Variants in PDZD2 observed in about 807,000 individuals in gnomAD.
PDZD2 encodes the protein PDZ domain containing 2, also known as PDZ domain-containing protein 2.
A neutral mutation model predicts 220.7 loss-of-function variants in PDZD2; 90 were observed. The observed-to-expected ratio is 0.41, with a 90% CI of 0.34 to 0.49. The LOEUF is 0.49. Ranked by LOEUF, PDZD2 falls within the 20% of genes least tolerant of loss-of-function variation. The probability of loss-of-function intolerance (pLI) is 0.28; values close to 1 mark genes in which losing one functional copy is unlikely to be tolerated. For synonymous variants in PDZD2, 1,375 were observed against 1,450.5 expected (o/e 0.95, Z 1.18); for missense variants, 3,174 against 3,608.5 (o/e 0.88, Z 3.08).
intron 2 of PDZD2, among the ~76,000 whole-genome samples, chr5:31,850,838 G>A (rs1382845195): frequency 5.3e-5 from 8 of 151,822 alleles, no homozygotes; most frequent in East Asian, 3.9e-4. Flanking sequence ...GAGTTTCGCC[G>A]TGTTAGCCAG....
chr5:31,871,430 A>G (rs922955786), intron 2 of PDZD2, among the ~76,000 whole-genome samples: 8 of 152,146 alleles, frequency 5.3e-5, no homozygotes, highest in African/African-American at 1.7e-4. Context: ...CATTGCTTCC[A>G]TACCTTCATT....
intron 2 of PDZD2, among the ~76,000 whole-genome samples, chr5:31,857,327 T>C (rs717163): frequency 6.6e-6 from 1 of 152,176 alleles, no homozygotes; most frequent in Non-Finnish European, 1.5e-5. Context: ...CTCACTGTTA[T>C]TATGAGAATT....
Position 31,696,579 on chromosome 5 carries a change from G to A in PDZD2, c.-361+57142G>A, listed in dbSNP as rs187133497. On this transcript the variant is annotated intron_variant, in intron 1 of 24. Coordinates refer to ENST00000438447, the MANE Select transcript of PDZD2 (RefSeq NM_178140.4). ...TGGCCTCCCAAAGTGTTGGGATTAC[G>A]GTGTGAGCCACTGTGCCTGGCCACC... Among the ~76,000 whole-genome samples the A allele has an allele frequency of 1.3e-3, 198 of 152,132 alleles. 2 individuals are homozygous for A. The highest frequency in any genetic ancestry group is 4.5e-3 in the African/African-American group (186 of 41,514).
At chr5:32,041,607 AGATGT>A (rs1326253637) in intron 7 of PDZD2, among the ~76,000 whole-genome samples, 3 of 152,134 alleles carry the variant, frequency 2.0e-5, no homozygotes, top group African/African-American at 7.2e-5. Flanking sequence ...GGGCGGTGCA[AGATGT>A]GCTTTGTTGT....
chr5:31,642,997 C>T (rs1205871297), intron 1 of PDZD2, among the ~76,000 whole-genome samples: 2 of 152,148 alleles, frequency 1.3e-5, no homozygotes, highest in Admixed American at 6.5e-5. Context: ...AGAGAACTTC[C>T]TGCTGGGCCA....
intron 2 of PDZD2, among the ~76,000 whole-genome samples, chr5:31,881,344 G>A (rs1739889869): frequency 7.3e-6 from 1 of 137,562 alleles, no homozygotes; most frequent in Admixed American, 7.1e-5. Flanking sequence ...GTGTGTGTGT[G>A]TGTGTGTGTG....
chr5:31,790,483 T>G (rs993809019), intron 1 of PDZD2, among the ~76,000 whole-genome samples: 1 of 152,094 alleles, frequency 6.6e-6, no homozygotes, highest in Non-Finnish European at 1.5e-5. Context: ...GGCTGAACAT[T>G]TTTTGAAGCC....
intron 2 of PDZD2, among the ~76,000 whole-genome samples, chr5:31,875,589 AAAAAAAAAATATATATATATATTTT>A (rs1445950153): frequency 7.2e-6 from 1 of 138,656 alleles, no homozygotes; most frequent in Non-Finnish European, 1.6e-5. Context: ...CTGTTCAAAA[AAAAAAAAAATATATATATATATTTT>A]AAAAATATAT....
intron 19 of PDZD2, among the ~76,000 whole-genome samples, chr5:32,085,443 CTTA>C (rs1156451060): frequency 4.7e-5 from 7 of 148,220 alleles, no homozygotes; most frequent in African/African-American, 1.8e-4. Context: ...AATGCAATAC[CTTA>C]TTATTATTTT....
chr5:31,886,044 C>T (rs1488996972), intron 2 of PDZD2, among the ~76,000 whole-genome samples: 1 of 152,048 alleles, frequency 6.6e-6, no homozygotes, highest in Admixed American at 6.6e-5. Flanking sequence ...GGATTACAGG[C>T]ACCCACCACC....
At chr5:31,735,688 T>C (rs553211210) in intron 1 of PDZD2, among the ~76,000 whole-genome samples, 12 of 152,262 alleles carry the variant, frequency 7.9e-5, no homozygotes, top group Admixed American at 7.8e-4. Context: ...GGCTCACCCC[T>C]GTAATCCCAG....
At chr5:31,842,113 T>C (rs1757347399) in intron 2 of PDZD2, among the ~76,000 whole-genome samples, 1 of 152,234 alleles carries the variant, frequency 6.6e-6, no homozygotes, top group Admixed American at 6.5e-5. Flanking sequence ...TCTTGTCACT[T>C]TAAAAACACA....
At chr5:32,101,747 A>G (rs1318644143) in intron 24 of PDZD2, among the ~76,000 whole-genome samples, 1 of 152,216 alleles carries the variant, frequency 6.6e-6, no homozygotes, top group African/African-American at 2.4e-5. Context: ...GAAAAAAAAG[A>G]TGGGGGATAG....
rs1354408468 is a variant in PDZD2 at position 32,088,935 on chromosome 5, T to C, written c.5487T>C (p.Ser1829=). ...EKEQPLMPAR[S]PDSKIQMVSS... Reference sequence around the variant, plus strand: ...AACAACCTCTAATGCCTGCCAGAAGTCCCGACTCCAAGATTCAGATGGTGA... The same window carrying C: ...AACAACCTCTAATGCCTGCCAGAAGCCCCGACTCCAAGATTCAGATGGTGA... Residue 1829 remains serine (S), a synonymous_variant, in exon 20 of 25, where the codon AGT becomes AGC. Coordinates refer to ENST00000438447, the MANE Select transcript of PDZD2 (RefSeq NM_178140.4). The surrounding 1 kb of genome is among the most constrained non-coding windows in gnomAD (Gnocchi z 4.6). The C allele has an allele frequency of 3.1e-6, 5 of 1,613,400 alleles. No homozygotes were observed. The highest frequency in any genetic ancestry group is 4.2e-6 in the Non-Finnish European group (5 of 1,179,846).
rs138802424 is a variant in PDZD2, at chr5:31,668,539, A to C, written c.-361+29102A>C. ...TGAAATCTTTTGCCTTGTGTTTTTC[A>C]TGACATATTTGCATGTCAGGATCAT... On this transcript the variant is annotated intron_variant, in intron 1 of 24. Coordinates refer to ENST00000438447, the MANE Select transcript of PDZD2 (RefSeq NM_178140.4). Among the ~76,000 whole-genome samples, 304 of 152,310 alleles carry C rather than the reference A, an allele frequency of 2.0e-3. 1 individual carries two copies. The highest frequency in any genetic ancestry group is 3.8e-3 in the Non-Finnish European group (258 of 68,024).
chr5:31,689,684 C>A (rs984530543), intron 1 of PDZD2, among the ~76,000 whole-genome samples: 1 of 152,006 alleles, frequency 6.6e-6, no homozygotes, highest in African/African-American at 2.4e-5. Context: ...GTGGAGCTAA[C>A]CCTGACCTTT....
chr5:31,850,218 A>G (rs1284879341), intron 2 of PDZD2, among the ~76,000 whole-genome samples: 2 of 82,608 alleles, frequency 2.4e-5, no homozygotes, highest in African/African-American at 1.7e-4. Context: ...ATATGTGTAT[A>G]TATATAAGTA....
intron 2 of PDZD2, among the ~76,000 whole-genome samples, chr5:31,813,433 G>T (rs1366494874): frequency 8.1e-6 from 1 of 122,968 alleles, no homozygotes; most frequent in African/African-American, 3.1e-5. Flanking sequence ...CTGGGCGACA[G>T]AGCGAGACTC....
chr5:31,755,239 C>T (rs1187712003), intron 1 of PDZD2, among the ~76,000 whole-genome samples: 3 of 152,104 alleles, frequency 2.0e-5, no homozygotes, highest in Non-Finnish European at 4.4e-5. Flanking sequence ...GCTGCCTTTG[C>T]TTCGACCCCT....
Sources: gnomAD v4.1 joint callset for allele counts (sites outside exome capture counted in the v4.1 genomes callset) on GRCh38, gnomAD v4.1.1 for gene constraint, Gnocchi (gnomAD v3.1) non-coding constraint, MANE v1.5 for transcripts, NCBI Gene and HGNC (gene_info 2026-07-23, HGNC 2026-07-21) for gene names.